CAPN14: variants seen among roughly 807,000 people sequenced by gnomAD.
The protein encoded by CAPN14 is calpain-14.
In CAPN14, 94 loss-of-function variants were observed where a neutral mutation model predicts 101.3. The ratio of observed to expected loss-of-function variants is 0.93; its 90% CI spans 0.79 to 1.10. CAPN14 has a LOEUF of 1.10. Ranked by LOEUF, CAPN14 falls within the 50% of genes least tolerant of loss-of-function variation. The pLI is 0.00. For missense variants in CAPN14, 837 were observed against 828.4 expected (o/e 1.01, Z -0.13); for synonymous variants, 338 against 317.9 (o/e 1.06, Z -0.67).
Position 31,193,373 on chromosome 2 carries a change from C to T in CAPN14, c.951-79G>A, listed in dbSNP as rs376677409. ...ATCAGGACCCATGGGGAGGGTGAAA[C>T]GGAGCAGTGGGCATCCCAGCCCTCT... On this transcript the variant is annotated intron_variant, in intron 9 of 21. Transcript: ENST00000403897. 35 of 1,412,728 alleles carry T rather than the reference C, an allele frequency of 2.5e-5. No individual in the cohort carries two copies. The East Asian group carries it at 3.5e-4, about 14-fold the overall frequency. The allele number at this position is 1,412,728 out of a possible 1,614,324, so 87.5% of individuals were successfully genotyped here.
chr2:31,174,939 T>A (rs560327177), intron 21 of CAPN14, among the ~76,000 whole-genome samples: 1 of 152,308 alleles, frequency 6.6e-6, no homozygotes, highest in East Asian at 1.9e-4. Context: ...TGTATTCAGT[T>A]CTCAATGAAT....
At chr2:31,231,284 T>A (rs1451522420) in intron 1 of CAPN14, among the ~76,000 whole-genome samples, 1 of 152,244 alleles carries the variant, frequency 6.6e-6, no homozygotes, top group African/African-American at 2.4e-5. Flanking sequence ...TTGATTTCAA[T>A]CATATCTCTC....
chr2:31,176,947 G>T, intron 20 of CAPN14, 79 bp downstream of exon 20: 1 of 1,072,564 alleles, frequency 9.3e-7, no homozygotes, highest in Non-Finnish European at 1.4e-6. Flanking sequence ...GTCCTCCCTT[G>T]TGCTTAAACT....
Position 31,199,545 on chromosome 2 carries a change from G to C in CAPN14, c.727-13C>G. 6.5e-7 allele frequency: 1 copy of C among 1,549,874 alleles called. No homozygotes were observed. The highest frequency in any genetic ancestry group is 8.7e-7 in the Non-Finnish European group (1 of 1,145,588). The stretch of plus-strand genomic sequence containing the variant: ...CCAGAATCTTCTCCTGCAGAGACAA[G>C]AGAGGTCCTGATCAGTCTTCTGTTA... On this transcript the variant is annotated splice_polypyrimidine_tract_variant and intron_variant, in intron 6 of 21. Coordinates refer to ENST00000403897, the MANE Select transcript of CAPN14 (RefSeq NM_001145122.2).
At chr2:31,181,377 CTTTTCTTTT>C (rs1680587712) in intron 16 of CAPN14, among the ~76,000 whole-genome samples, 1 of 142,672 alleles carries the variant, frequency 7.0e-6, no homozygotes, top group Non-Finnish European at 1.5e-5. Context: ...GTTTCTTTCT[CTTTTCTTTT>C]TTTCTTTCTT....
chr2:31,186,008 T>C (rs1680881993), intron 16 of CAPN14, among the ~76,000 whole-genome samples: 1 of 152,328 alleles, frequency 6.6e-6, no homozygotes, highest in East Asian at 1.9e-4. Context: ...CTTCCAGAGT[T>C]TTGTTGCTTG....
At chr2:31,193,862 C>T (rs1257134120) in intron 9 of CAPN14, among the ~76,000 whole-genome samples, 2 of 152,072 alleles carry the variant, frequency 1.3e-5, no homozygotes, top group Non-Finnish European at 2.9e-5. Flanking sequence ...GGGAGCAGTC[C>T]TTGGAACGAG....
intron 2 of CAPN14, among the ~76,000 whole-genome samples, chr2:31,204,235 A>G (rs980703521): frequency 6.6e-6 from 1 of 152,198 alleles, no homozygotes; most frequent in Non-Finnish European, 1.5e-5. Flanking sequence ...TCCATCTGGA[A>G]AGTGAGAATG....
At chr2:31,179,750 G>A (rs1004417847) in intron 17 of CAPN14, among the ~76,000 whole-genome samples, 23 of 152,080 alleles carry the variant, frequency 1.5e-4, no homozygotes, top group Admixed American at 5.2e-4. Flanking sequence ...TTTAATGATC[G>A]CCATTCTAAC....
At position 31,174,022 on chromosome 2, in the gene CAPN14, T is replaced by C. The variant is rs1467293590; in HGVS notation, c.*659A>G. 6.6e-6 allele frequency: 1 copy of C among 152,418 alleles called. No individual in the cohort carries two copies. Among genetic ancestry groups the C allele is most frequent in the African/African-American group, 2.4e-5 (1 of 41,438 alleles). The allele number at this position is 152,418 out of a possible 1,614,324, so 9.4% of individuals were successfully genotyped here. A position where few individuals can be genotyped will look rare whatever the true frequency, so the allele number is the denominator to read the frequency against. Reference sequence around the variant, plus strand: ...AAGCCCTTTGAGAACTCAGGTGTTTTAAATCTACTAGGTTGCCCCAGATCC... The same window carrying C: ...AAGCCCTTTGAGAACTCAGGTGTTTCAAATCTACTAGGTTGCCCCAGATCC... On this transcript the variant is annotated 3_prime_UTR_variant, in exon 22 of 22. Coordinates refer to ENST00000403897, the MANE Select transcript of CAPN14 (RefSeq NM_001145122.2).
chr2:31,180,872 G>A, intron 17 of CAPN14, 64 bp downstream of exon 17: 1 of 1,379,574 alleles, frequency 7.2e-7, no homozygotes, highest in South Asian at 1.3e-5. Context: ...AATATACTCT[G>A]CCTAGCTCCA....
Position 31,180,983 on chromosome 2 carries a change from G to A in CAPN14, c.1663C>T (p.Pro555Ser). Residue 555 changes from proline to serine, a missense_variant, in exon 17 of 22, where the codon CCC becomes TCC. By Grantham distance (74) the Pro-to-Ser change is moderately conservative (BLOSUM62 -1). Transcript: ENST00000403897. ...MTWSSLGSRQPFFSLEACQGI... is the reference protein window; with the variant it reads ...MTWSSLGSRQSFFSLEACQGI... ...TGGCAGGCTTCCAGGCTAAAGAAGG[G>A]CTGTCTGCTCCCCAGACCTGTGAAG... 1.3e-6 allele frequency: 2 copies of A among 1,551,800 alleles called. No homozygotes were observed. The highest frequency in any genetic ancestry group is 1.7e-6 in the Non-Finnish European group (2 of 1,146,986).
intron 10 of CAPN14, among the ~76,000 whole-genome samples, 185 bp downstream of exon 10, chr2:31,192,946 T>C (rs550834409): frequency 3.2e-4 from 48 of 152,240 alleles, no homozygotes; most frequent in African/African-American, 1.1e-3. Context: ...TTGGTGCACA[T>C]TGGGTCCAAA....
intron 7 of CAPN14, 111 bp from the exon 8 acceptor site, chr2:31,197,445 CAG>C: frequency 1.4e-6 from 1 of 709,472 alleles, no homozygotes; most frequent in Non-Finnish European, 2.4e-6. Flanking sequence ...ATCACAGCCC[CAG>C]AGAGAGCTGG....
At chr2:31,194,657 G>A (rs1681377677) in intron 8 of CAPN14, among the ~76,000 whole-genome samples, 174 bp from the exon 9 acceptor site, 1 of 152,172 alleles carries the variant, frequency 6.6e-6, no homozygotes, top group Non-Finnish European at 1.5e-5. Context: ...TATGAGCCAA[G>A]CACTGGGCTA....
At chr2:31,193,901 C>A (rs1681338877) in intron 9 of CAPN14, among the ~76,000 whole-genome samples, 1 of 151,888 alleles carries the variant, frequency 6.6e-6, no homozygotes, top group South Asian at 2.1e-4. Flanking sequence ...CGGTGGTGAG[C>A]AAAAGCAAAG....
At chr2:31,177,918 TGAA>T in intron 18 of CAPN14, 97 bp from the exon 19 acceptor site, 1 of 820,760 alleles carries the variant, frequency 1.2e-6, no homozygotes, top group Non-Finnish European at 2.1e-6. Flanking sequence ...GAGGGGCTGT[TGAA>T]GATATCTGAG....
At chr2:31,225,957 G>T (rs568337065) in intron 2 of CAPN14, among the ~76,000 whole-genome samples, 1 of 152,050 alleles carries the variant, frequency 6.6e-6, no homozygotes, top group Non-Finnish European at 1.5e-5. Flanking sequence ...AAACATACTA[G>T]TAAGGGAGGG....
At chr2:31,205,530 C>A (rs1291782846) in intron 1 of CAPN14, 31 bp from the exon 2 acceptor site, 17 of 1,129,462 alleles carry the variant, frequency 1.5e-5, no homozygotes, top group Non-Finnish European at 2.1e-5. Context: ...TCAGTTTCCT[C>A]ACTTCCTCCT....
Sources: gnomAD v4.1 joint callset for allele counts (sites outside exome capture counted in the v4.1 genomes callset) on GRCh38, gnomAD v4.1.1 for gene constraint, MANE v1.5 for transcripts, NCBI Gene and HGNC (gene_info 2026-07-23, HGNC 2026-07-21) for gene names.